The following CATSPER4 variants were observed in gnomAD, a reference collection of about 807,000 sequenced individuals.
CATSPER4 encodes the protein cation channel sperm-associated protein 4.
CATSPER4 carries 46 observed loss-of-function variants against 54.4 expected under a neutral mutation model. That is an observed-to-expected ratio of 0.84 (90% CI 0.67 to 1.08). CATSPER4 has a LOEUF of 1.08. CATSPER4 is among the 50% of genes least tolerant of loss of function. CATSPER4 has a pLI of 0.00. For synonymous variants in CATSPER4, 230 were observed against 231.9 expected, an observed-to-expected ratio of 0.99 and a Z score of 0.08; for missense variants, 574 against 612.8, an observed-to-expected ratio of 0.94 and a Z score of 0.67.
rs777830092 is a variant in CATSPER4 at position 26,200,890 on chromosome 1, C to G, written c.1048C>G (p.Arg350Gly). ...GCCACTGGTGCATTGTGTGGTCGCCCGCTCGGAGAAATCTGGTCTCCTCCA... is the reference window on the plus strand; with the variant it reads ...GCCACTGGTGCATTGTGTGGTCGCCGGCTCGGAGAAATCTGGTCTCCTCCA... ...QLPLVHCVVARSEKSGLLQEP... is the reference protein window; with the variant it reads ...QLPLVHCVVAGSEKSGLLQEP... Residue 350 changes from arginine (R) to glycine (G), a missense_variant, in exon 8 of 10, where the codon CGC (arginine) becomes GGC (glycine). Arg to Gly is a moderately radical substitution (Grantham distance 125, BLOSUM62 -2). Transcript: ENST00000456354. 3 of 1,614,116 alleles carry G rather than the reference C, an allele frequency of 1.9e-6. No homozygotes were observed. Among genetic ancestry groups the G allele is most frequent in the Middle Eastern group, 1.6e-4 (1 of 6,062 alleles).
chr1:26,193,026 C>G (rs928140842), intron 2 of CATSPER4, among the ~76,000 whole-genome samples: 2 of 151,422 alleles, frequency 1.3e-5, no homozygotes, highest in African/African-American at 4.9e-5. Flanking sequence ...CGCTTGAACC[C>G]AGGAGGCGGA....
Position 26,202,770 on chromosome 1 carries a change from C to T in CATSPER4, c.*228C>T. On this transcript the variant is annotated 3_prime_UTR_variant, in exon 10 of 10. Transcript: ENST00000456354. ...GATGCTGGATGATGAGAGTGGGAAC[C>T]CTAGCAGCAAGGATGAGCACAGAAG... 1 of 594,444 alleles carries T rather than the reference C, an allele frequency of 1.7e-6. No homozygotes were observed. Among genetic ancestry groups the T allele is most frequent in the South Asian group, 2.0e-5 (1 of 50,572 alleles). The allele number at this position is 594,444 out of a possible 1,614,324, so 36.8% of individuals were successfully genotyped here.
chr1:26,191,350 G>A lies in CATSPER4; in HGVS notation c.277G>A (p.Ala93Thr), dbSNP rs111438863. The change falls in exon 2 of 10, where the codon GCC (alanine) becomes ACC (threonine). Residue 93 changes from alanine to threonine, a missense_variant. Physicochemically the swap from Ala to Thr is moderately conservative, Grantham distance 58. Coordinates refer to ENST00000456354, the MANE Select transcript of CATSPER4 (RefSeq NM_198137.2). ...CATCAAGCAGCTGCTCCGACACCCC[G>A]CCTTCCAACTGCTGCTGGCCCTGCT... ...MYIKQLLRHPAFQLLLALLLV... is the reference protein window; with the variant it reads ...MYIKQLLRHPTFQLLLALLLV... The A allele has an allele frequency of 3.7e-5, 60 of 1,614,136 alleles. 1 individual carries two copies. In the South Asian group the frequency reaches 3.7e-4, roughly 10 times the overall value.
chr1:26,199,742 A>G (rs2088984503), intron 6 of CATSPER4, 142 bp from the exon 7 acceptor site: 1 of 846,424 alleles, frequency 1.2e-6, no homozygotes, highest in Non-Finnish European at 1.8e-6. Flanking sequence ...TTGAGACAGG[A>G]GTAGGGAATG....
In CATSPER4 at chr1:26,202,630, G is replaced by T. The variant is rs6691747; in HGVS notation, c.*88G>T. 7.9e-7 allele frequency: 1 copy of T among 1,270,576 alleles called. No individual in the cohort carries two copies. The highest frequency in any genetic ancestry group is 1.1e-6 in the Non-Finnish European group (1 of 889,188). 78.7% of individuals were successfully genotyped at this position (1,270,576 alleles called of 1,614,324 possible). ...CCTTAGTGTGGCTTGGCAGAGCCTGGCCAGAGCCCATCCTCTCCCTTATAC... is the reference window on the plus strand; with the variant it reads ...CCTTAGTGTGGCTTGGCAGAGCCTGTCCAGAGCCCATCCTCTCCCTTATAC... On this transcript the variant is annotated 3_prime_UTR_variant, in exon 10 of 10. Transcript: ENST00000456354.
chr1:26,197,537 C>A, intron 3 of CATSPER4, 149 bp from the exon 4 acceptor site: 2 of 664,018 alleles, frequency 3.0e-6, no homozygotes, highest in Non-Finnish European at 5.5e-6. Context: ...GTTTGGGGGG[C>A]GGCAGGGTAA....
chr1:26,199,089 G>A (rs1176807550), intron 6 of CATSPER4, among the ~76,000 whole-genome samples: 3 of 151,738 alleles, frequency 2.0e-5, no homozygotes, highest in South Asian at 2.1e-4. Flanking sequence ...GGCAGCTCAC[G>A]AGGTCAGATC....
chr1:26,198,804 A>G lies in CATSPER4; in HGVS notation c.812+385A>G, dbSNP rs151259697. 5.3e-4 allele frequency among the ~76,000 whole-genome samples: 80 copies of G among 152,288 alleles called. 1 individual carries two copies. Among genetic ancestry groups the G allele is most frequent in the African/African-American group, 1.8e-3 (76 of 41,562 alleles). On this transcript the variant is annotated intron_variant, in intron 6 of 9. Transcript: ENST00000456354. ...GGGAACTTCAGGTCTCATTTCATTC[A>G]TTCTTAAACCCACTGCCCACATTCA... is the stretch of plus-strand genomic sequence containing the variant.
At chr1:26,201,773 T>C (rs938454015) in intron 9 of CATSPER4, among the ~76,000 whole-genome samples, 3 of 135,558 alleles carry the variant, frequency 2.2e-5, no homozygotes, top group Non-Finnish European at 1.5e-5. Flanking sequence ...CGCTGCCACC[T>C]CTGCGGCCTG....
Position 26,198,088 on chromosome 1 carries a change from G to A in CATSPER4, c.678+11G>A, listed in dbSNP as rs780056886. ...CTCTTCTTCATGCTGGTCAGTGCCT[G>A]CCCCCGCCCCCAGCTGTTTCCCTTC... On this transcript the variant is annotated intron_variant, in intron 5 of 9. Coordinates refer to ENST00000456354, the MANE Select transcript of CATSPER4 (RefSeq NM_198137.2). 1.2e-6 allele frequency: 2 copies of A among 1,614,174 alleles called. No homozygotes were observed. The highest frequency in any genetic ancestry group is 2.2e-5 in the South Asian group (2 of 91,080).
At chr1:26,191,476 C>T (rs752482451) in intron 2 of CATSPER4, 46 bp downstream of exon 2, 1 of 1,605,082 alleles carries the variant, frequency 6.2e-7, no homozygotes, top group Non-Finnish European at 8.5e-7. Context: ...TAATGGGGGG[C>T]CTGGGGCAAG....
chr1:26,193,472 C>T (rs114042924), intron 2 of CATSPER4, among the ~76,000 whole-genome samples: 1,676 of 152,214 alleles, frequency 0.011, 36 homozygotes, highest in African/African-American at 0.038. Flanking sequence ...GACAAAAGTT[C>T]ATAGTCAGAC....
intron 2 of CATSPER4, among the ~76,000 whole-genome samples, chr1:26,192,011 G>A (rs1215337035): frequency 6.6e-6 from 1 of 151,668 alleles, no homozygotes; most frequent in African/African-American, 2.4e-5. Flanking sequence ...AGAGCACGTA[G>A]GAGTTGGCCA....
rs770383754 is a variant in CATSPER4, at chr1:26,200,886, C to G, written c.1044C>G (p.Val348=). 6.2e-7 allele frequency: 1 copy of G among 1,614,134 alleles called. No individual in the cohort carries two copies. Among genetic ancestry groups the G allele is most frequent in the South Asian group, 1.1e-5 (1 of 91,088 alleles). Reference sequence around the variant, plus strand: ...AGCTGCCACTGGTGCATTGTGTGGTCGCCCGCTCGGAGAAATCTGGTCTCC... The same window carrying G: ...AGCTGCCACTGGTGCATTGTGTGGTGGCCCGCTCGGAGAAATCTGGTCTCC... ...NDQLPLVHCV[V]ARSEKSGLLQ... Residue 348 remains valine, a synonymous_variant, in exon 8 of 10, where the codon GTC becomes GTG. Coordinates refer to ENST00000456354, the MANE Select transcript of CATSPER4 (RefSeq NM_198137.2).
chr1:26,199,415 G>A (rs2088980082), intron 6 of CATSPER4, among the ~76,000 whole-genome samples: 1 of 145,190 alleles, frequency 6.9e-6, no homozygotes, highest in South Asian at 2.2e-4. Context: ...TTAGGTGACA[G>A]AGTGAGACTC....
At chr1:26,201,278 GA>G (rs1270971725) in intron 8 of CATSPER4, 75 bp from the exon 9 acceptor site, 2 of 1,494,480 alleles carry the variant, frequency 1.3e-6, no homozygotes, top group African/African-American at 2.8e-5. Flanking sequence ...AAGCGGGGGT[GA>G]CGCCAGGGAA....
chr1:26,202,647 C>T lies in CATSPER4; in HGVS notation c.*105C>T. ...AGAGCCTGGCCAGAGCCCATCCTCTCCCTTATACCTGGGCAGAGGCCAGGG... is the reference window on the plus strand; with the variant it reads ...AGAGCCTGGCCAGAGCCCATCCTCTTCCTTATACCTGGGCAGAGGCCAGGG... On this transcript the variant is annotated 3_prime_UTR_variant, in exon 10 of 10. Transcript: ENST00000456354. 1.8e-6 allele frequency: 2 copies of T among 1,088,528 alleles called. No homozygotes were observed. The highest frequency in any genetic ancestry group is 2.8e-6 in the Non-Finnish European group (2 of 724,934). The allele number at this position is 1,088,528 out of a possible 1,614,324, so 67.4% of individuals were successfully genotyped here.
At position 26,193,888 on chromosome 1, in the gene CATSPER4, G is replaced by A. The variant is rs1212655162; in HGVS notation, c.459G>A (p.Lys153=). The A allele has an allele frequency of 1.2e-6, 2 of 1,611,530 alleles. No individual in the cohort carries two copies. The highest frequency in any genetic ancestry group is 1.1e-5 in the South Asian group (1 of 91,052). ...GWLNGFWIFW[K]DGWNILNFII... The stretch of plus-strand genomic sequence containing the variant: ...TCAATGGCTTCTGGATTTTCTGGAA[G>A]GTGAGATCCTGAGCCCTTTGCCCCT... Residue 153 remains lysine, a splice_region_variant and synonymous_variant, in exon 3 of 10, where the codon AAG becomes AAA. Coordinates refer to ENST00000456354, the MANE Select transcript of CATSPER4 (RefSeq NM_198137.2).
In CATSPER4 at chr1:26,202,649, C is replaced by T. The variant is rs941225918; in HGVS notation, c.*107C>T. 2.5e-5 allele frequency: 27 copies of T among 1,083,998 alleles called. No individual in the cohort carries two copies. In the African/African-American group the frequency reaches 4.1e-4, roughly 16 times the overall value. 67.1% of individuals were successfully genotyped at this position (1,083,998 alleles called of 1,614,324 possible). Reference sequence around the variant, plus strand: ...AGCCTGGCCAGAGCCCATCCTCTCCCTTATACCTGGGCAGAGGCCAGGGGC... The same window carrying T: ...AGCCTGGCCAGAGCCCATCCTCTCCTTTATACCTGGGCAGAGGCCAGGGGC... On this transcript the variant is annotated 3_prime_UTR_variant, in exon 10 of 10. Coordinates refer to ENST00000456354, the MANE Select transcript of CATSPER4 (RefSeq NM_198137.2).
Sources: allele counts gnomAD v4.1 joint callset (sites outside exome capture counted in the v4.1 genomes callset), GRCh38; gene constraint gnomAD v4.1.1; transcripts MANE v1.5; gene names NCBI Gene and HGNC (gene_info 2026-07-23, HGNC 2026-07-21).